The following DENND1B variants were observed in gnomAD, a reference collection of about 807,000 sequenced individuals.
DENND1B encodes DENN domain containing 1B, also known as DENN domain-containing protein 1B.
A neutral mutation model predicts 90.1 loss-of-function variants in DENND1B; 59 were observed. The observed-to-expected ratio is 0.65, with a 90% CI of 0.53 to 0.81. The LOEUF is 0.81. Ranked by LOEUF, DENND1B falls within the 40% of genes least tolerant of loss-of-function variation. The probability of loss-of-function intolerance (pLI) is 0.00; values close to 1 mark genes in which losing one functional copy is unlikely to be tolerated. For missense variants in DENND1B, 862 were observed against 912.6 expected (o/e 0.94, Z 0.71); for synonymous variants, 337 against 324.6 (o/e 1.04, Z -0.41).
intron 2 of DENND1B, chr1:197,734,546 GTTA>G: frequency 1.0e-6 from 1 of 975,260 alleles, no homozygotes. Context: ...GATGTTTTGT[GTTA>G]TTGGTATAAA....
Position 197,561,869 on chromosome 1 carries a change from C to A in DENND1B, c.1150-8757G>T, listed in dbSNP as rs557713376. Among the ~76,000 whole-genome samples the A allele has an allele frequency of 1.7e-4, 26 of 151,848 alleles. 1 individual carries two copies. The highest frequency in any genetic ancestry group is 6.3e-4 in the African/African-American group (26 of 41,468). On this transcript the variant is annotated intron_variant, in intron 15 of 22. Transcript: ENST00000620048. ...TATTGGCTTTATTTATAAAATAAAC[C>A]CATATTCTGACCAAATCTCATCATA... is the stretch of plus-strand genomic sequence containing the variant.
chr1:197,582,054 A>G (rs1571961987), intron 15 of DENND1B, among the ~76,000 whole-genome samples: 1 of 152,230 alleles, frequency 6.6e-6, no homozygotes, highest in African/African-American at 2.4e-5. Context: ...AGCCCACTCT[A>G]TTTTTTGGAA....
intron 3 of DENND1B, among the ~76,000 whole-genome samples, chr1:197,675,003 TTAA>T (rs1404470348): frequency 3.0e-4 from 46 of 152,244 alleles, no homozygotes; most frequent in African/African-American, 1.1e-3. Flanking sequence ...AAACAAAGTC[TTAA>T]TAATCTATTT....
intron 2 of DENND1B, among the ~76,000 whole-genome samples, chr1:197,716,115 C>T (rs900890859): frequency 6.6e-6 from 1 of 151,716 alleles, no homozygotes; most frequent in Non-Finnish European, 1.5e-5. Flanking sequence ...ATATTTCATA[C>T]CATTTTCTAA....
At chr1:197,591,307 A>G (rs966150445) in intron 14 of DENND1B, among the ~76,000 whole-genome samples, 4 of 152,232 alleles carry the variant, frequency 2.6e-5, no homozygotes, top group African/African-American at 9.6e-5. Context: ...TTTTTGGTCC[A>G]GAAGCTTCAG....
rs529631791 is a variant in DENND1B at position 197,665,281 on chromosome 1, G to C, written c.296+6756C>G. Among the ~76,000 whole-genome samples, 5 of 152,244 alleles carry C rather than the reference G, an allele frequency of 3.3e-5. No individual in the cohort carries two copies. In the South Asian group the frequency reaches 1.0e-3, roughly 32 times the overall value. On this transcript the variant is annotated intron_variant, in intron 5 of 22. Coordinates refer to ENST00000620048, the MANE Select transcript of DENND1B (RefSeq NM_001195215.2). ...AGAAAATGGACACGTGGTTTATATAGCATAGCATGCAATTTTCTCGGAACT... is the reference window on the plus strand; with the variant it reads ...AGAAAATGGACACGTGGTTTATATACCATAGCATGCAATTTTCTCGGAACT...
intron 2 of DENND1B, among the ~76,000 whole-genome samples, chr1:197,750,477 T>C (rs115710466): frequency 0.023 from 3,487 of 152,156 alleles, 58 homozygotes; most frequent in Non-Finnish European, 0.033. Context: ...ATAATGAATT[T>C]AAACCTAACC....
chr1:197,650,685 G>A (rs1403887116), intron 7 of DENND1B, among the ~76,000 whole-genome samples: 6 of 152,132 alleles, frequency 3.9e-5, no homozygotes, highest in South Asian at 2.1e-4. Context: ...CTACTCAGCC[G>A]TAAAAAGGAA....
chr1:197,717,495 C>T (rs930619555), intron 2 of DENND1B, among the ~76,000 whole-genome samples: 1 of 151,424 alleles, frequency 6.6e-6, no homozygotes, highest in Non-Finnish European at 1.5e-5. Flanking sequence ...TTCTAGAAAC[C>T]AAATAAATAT....
intron 2 of DENND1B, among the ~76,000 whole-genome samples, chr1:197,772,592 G>A (rs1287492424): frequency 1.3e-5 from 2 of 152,210 alleles, no homozygotes; most frequent in Non-Finnish European, 2.9e-5. Flanking sequence ...GGAGGGCAAG[G>A]TGGGTGGATC....
chr1:197,720,848 A>C (rs1256345567), intron 2 of DENND1B, among the ~76,000 whole-genome samples: 1 of 152,214 alleles, frequency 6.6e-6, no homozygotes, highest in Admixed American at 6.5e-5. Flanking sequence ...TCATTGCTGG[A>C]AAGTCTTAAA....
At chr1:197,551,883 A>T (rs559566577) in intron 16 of DENND1B, among the ~76,000 whole-genome samples, 1 of 152,258 alleles carries the variant, frequency 6.6e-6, no homozygotes, top group South Asian at 2.1e-4. Flanking sequence ...GAGCTGAATG[A>T]TTCCACATTC....
rs1026153963 is a variant in DENND1B at position 197,775,323 on chromosome 1, G to A, written c.-168C>T. 1.7e-5 allele frequency: 7 copies of A among 420,118 alleles called. No individual in the cohort carries two copies. Among genetic ancestry groups the A allele is most frequent in the Non-Finnish European group, 2.7e-5 (7 of 255,306 alleles). 26.0% of individuals were successfully genotyped at this position (420,118 alleles called of 1,614,324 possible). Reference sequence around the variant, plus strand: ...GCGGGCCCATGTCGGCTGCGCCCCCGGCACTTCCCCGCCTCCCACCCCACC... The same window carrying A: ...GCGGGCCCATGTCGGCTGCGCCCCCAGCACTTCCCCGCCTCCCACCCCACC... On this transcript the variant is annotated 5_prime_UTR_variant, in exon 1 of 23. Transcript: ENST00000620048.
chr1:197,715,109 C>T, intron 2 of DENND1B, 35 bp from the exon 3 acceptor site: 1 of 1,563,778 alleles, frequency 6.4e-7, no homozygotes, highest in African/African-American at 1.4e-5. Flanking sequence ...TAAACAGCAG[C>T]AAAAGAACAC....
intron 3 of DENND1B, among the ~76,000 whole-genome samples, chr1:197,705,160 A>C (rs1204509888): frequency 6.6e-6 from 1 of 152,194 alleles, no homozygotes; most frequent in Non-Finnish European, 1.5e-5. Context: ...TTGGTAGAGA[A>C]AAGCAGTAAA....
chr1:197,646,963 G>T, intron 8 of DENND1B, 92 bp downstream of exon 8: 1 of 901,186 alleles, frequency 1.1e-6, no homozygotes, highest in Non-Finnish European at 1.6e-6. Context: ...ATTTCCCAAA[G>T]GGCTGGAGTG....
At chr1:197,779,344 AT>A (rs1657375100), upstream of DENND1B, among the ~76,000 whole-genome samples, 2 of 152,052 alleles carry the variant, frequency 1.3e-5, no homozygotes, top group Admixed American at 1.3e-4. Context: ...ATGATGTTTC[AT>A]TTTTGTCTTT....
chr1:197,539,970 A>G lies in DENND1B; in HGVS notation c.1509T>C (p.Leu503=). Residue 503 remains leucine, a synonymous_variant, in exon 20 of 23, where the codon CTT becomes CTC. Transcript: ENST00000620048. ...GGTAAATAACCTTACTTACCTGAGCAAGCTTACGCTTTTCTGAGTTTCCTC... is the reference window on the plus strand; with the variant it reads ...GGTAAATAACCTTACTTACCTGAGCGAGCTTACGCTTTTCTGAGTTTCCTC... ...EKGGNSEKRK[L]AQARLKRPLK... 4 of 1,611,328 alleles carry G rather than the reference A, an allele frequency of 2.5e-6. No homozygotes were observed. The highest frequency in any genetic ancestry group is 3.4e-6 in the Non-Finnish European group (4 of 1,178,000).
intron 2 of DENND1B, among the ~76,000 whole-genome samples, chr1:197,758,541 T>C (rs1325073080): frequency 6.6e-6 from 1 of 152,228 alleles, no homozygotes; most frequent in Non-Finnish European, 1.5e-5. Context: ...AGTGCAAATA[T>C]TTTACAAATG....
Sources: gnomAD v4.1 joint callset for allele counts (sites outside exome capture counted in the v4.1 genomes callset) on GRCh38, gnomAD v4.1.1 for gene constraint, MANE v1.5 for transcripts, NCBI Gene and HGNC (gene_info 2026-07-23, HGNC 2026-07-21) for gene names.